Variants in STIMATE observed in about 807,000 individuals in gnomAD.
STIMATE encodes the protein STIM activating enhancer.
Under a neutral mutation model 36.7 loss-of-function variants are expected in STIMATE, and 15 were observed. That is an observed-to-expected ratio of 0.41 (90% CI 0.27 to 0.63). The LOEUF (loss-of-function observed/expected upper bound fraction) is 0.63. Among genes scored for constraint, STIMATE ranks in the 20% least tolerant of loss-of-function variants. STIMATE has a pLI of 0.32. For synonymous variants in STIMATE, 163 were observed against 162.3 expected, an observed-to-expected ratio of 1.00 and a Z score of -0.03; for missense variants, 305 against 397.3, an observed-to-expected ratio of 0.77 and a Z score of 1.98.
chr3:52,894,072 C>A (rs1701825710), intron 1 of STIMATE, among the ~76,000 whole-genome samples: 1 of 151,916 alleles, frequency 6.6e-6, no homozygotes, highest in African/African-American at 2.4e-5. Flanking sequence ...GACAAAACCA[C>A]CAAAACGAGG....
At chr3:52,883,860 G>A (rs1450191782) in intron 1 of STIMATE, among the ~76,000 whole-genome samples, 3 of 151,592 alleles carry the variant, frequency 2.0e-5, no homozygotes, top group African/African-American at 7.3e-5. Context: ...TCCTTTCTTG[G>A]TGATTCTAAA....
chr3:52,859,109 C>T (rs1701158623), intron 1 of STIMATE, among the ~76,000 whole-genome samples: 1 of 150,182 alleles, frequency 6.7e-6, no homozygotes, highest in African/African-American at 2.5e-5. Flanking sequence ...TTGCAGTGAG[C>T]CAAGATTGCA....
At chr3:52,875,771 T>C (rs1171379950) in intron 1 of STIMATE, among the ~76,000 whole-genome samples, 3 of 152,238 alleles carry the variant, frequency 2.0e-5, no homozygotes, top group Admixed American at 6.5e-5. Context: ...GTTTCATTCA[T>C]AAAGATGATT....
chr3:52,837,648 C>G lies in STIMATE; in HGVS notation c.*2846G>C, dbSNP rs1254477385. 1 of 152,256 alleles carries G rather than the reference C, an allele frequency of 6.6e-6. No homozygotes were observed. The highest frequency in any genetic ancestry group is 1.5e-5 in the Non-Finnish European group (1 of 68,046). The allele number at this position is 152,256 out of a possible 1,614,324, so 9.4% of individuals were successfully genotyped here. ...CTCATTAGTTTATTTCCAATAGTTA[C>G]AAGAAATTTGTTCATGACCTTGACT... is the stretch of plus-strand genomic sequence containing the variant. On this transcript the variant is annotated 3_prime_UTR_variant, in exon 8 of 8. Transcript: ENST00000355083.
chr3:52,855,098 T>C (rs12497310), intron 2 of STIMATE, among the ~76,000 whole-genome samples: 30 of 152,234 alleles, frequency 2.0e-4, no homozygotes, highest in Admixed American at 1.1e-3. Context: ...CAGGTAGACA[T>C]AGATGAAGGA....
At chr3:52,851,889 G>A (rs1295185872) in intron 3 of STIMATE, among the ~76,000 whole-genome samples, 2 of 152,328 alleles carry the variant, frequency 1.3e-5, no homozygotes, top group Admixed American at 1.3e-4. Flanking sequence ...CATGACTCCT[G>A]AGCGGTGTGA....
At position 52,858,494 on chromosome 3, in the gene STIMATE, C is replaced by T. The variant is rs1490715136; in HGVS notation, c.161-3050G>A. Among the ~76,000 whole-genome samples the T allele has an allele frequency of 7.2e-5, 11 of 152,110 alleles. No individual in the cohort carries two copies. In the East Asian group the frequency reaches 9.7e-4, roughly 13 times the overall value. ...ACAAAATAAGCTAAGTGTCTTGACG[C>T]ATGGCTGTGGTCCTAGCTACTCGGG... On this transcript the variant is annotated intron_variant, in intron 1 of 7. Transcript: ENST00000355083.
chr3:52,844,088 G>A (rs1035218839), intron 5 of STIMATE, among the ~76,000 whole-genome samples: 1 of 152,200 alleles, frequency 6.6e-6, no homozygotes, highest in Non-Finnish European at 1.5e-5. Flanking sequence ...AGTGCCCACC[G>A]GGAGAGTGGA....
intron 1 of STIMATE, among the ~76,000 whole-genome samples, chr3:52,858,555 G>A (rs1701147766): frequency 6.6e-6 from 1 of 152,182 alleles, no homozygotes; most frequent in Non-Finnish European, 1.5e-5. Context: ...AGCCCAGGAG[G>A]TTGAGGCTGC....
chr3:52,896,525 A>G (rs1701868376), intron 1 of STIMATE, among the ~76,000 whole-genome samples: 1 of 152,134 alleles, frequency 6.6e-6, no homozygotes, highest in Non-Finnish European at 1.5e-5. Context: ...CTATTCAGCC[A>G]CTAAGGTGCC....
chr3:52,894,868 AG>A (rs1701839300), intron 1 of STIMATE, among the ~76,000 whole-genome samples: 1 of 152,262 alleles, frequency 6.6e-6, no homozygotes, highest in Admixed American at 6.5e-5. Context: ...AGCCCCTCAA[AG>A]GACAACGGCT....
chr3:52,864,307 C>T (rs1016937292), intron 1 of STIMATE, among the ~76,000 whole-genome samples: 1 of 152,232 alleles, frequency 6.6e-6, no homozygotes, highest in African/African-American at 2.4e-5. Flanking sequence ...TATGTGGAAG[C>T]TGCCACAGTT....
At position 52,857,497 on chromosome 3, in the gene STIMATE, C is replaced by A. The variant is rs571628711; in HGVS notation, c.161-2053G>T. 3.9e-5 allele frequency among the ~76,000 whole-genome samples: 6 copies of A among 152,286 alleles called. No homozygotes were observed. The East Asian group carries it at 9.7e-4, about 25-fold the overall frequency. The stretch of plus-strand genomic sequence containing the variant: ...CCCCCAGTCAGGGCCAGAGCCACTG[C>A]ATGCTCATTTCTCCTTCTGCTTCAG... On this transcript the variant is annotated intron_variant, in intron 1 of 7. Coordinates refer to ENST00000355083, the MANE Select transcript of STIMATE (RefSeq NM_198563.5).
chr3:52,852,255 C>T (rs897475365), intron 3 of STIMATE, among the ~76,000 whole-genome samples: 1 of 152,182 alleles, frequency 6.6e-6, no homozygotes, highest in Non-Finnish European at 1.5e-5. Flanking sequence ...TGTCCTGGTT[C>T]CAGAGCAGAG....
At chr3:52,881,572 G>A (rs985957532) in intron 1 of STIMATE, among the ~76,000 whole-genome samples, 2 of 151,872 alleles carry the variant, frequency 1.3e-5, no homozygotes, top group African/African-American at 2.4e-5. Flanking sequence ...GCGTGGTGGT[G>A]GGTGCCTGTA....
At position 52,839,143 on chromosome 3, in the gene STIMATE, G is replaced by A. The variant is rs996782225; in HGVS notation, c.*1351C>T. On this transcript the variant is annotated 3_prime_UTR_variant, in exon 8 of 8. Coordinates refer to ENST00000355083, the MANE Select transcript of STIMATE (RefSeq NM_198563.5). ...TGACCATTCCCCAGGGAGGGGACAC[G>A]GCCTAGAAGCACCTTGCCCTGCCTG... is the stretch of plus-strand genomic sequence containing the variant. The A allele has an allele frequency of 2.0e-5, 3 of 152,358 alleles. No homozygotes were observed. Among genetic ancestry groups the A allele is most frequent in the African/African-American group, 4.8e-5 (2 of 41,576 alleles). The allele number at this position is 152,358 out of a possible 1,614,324, so 9.4% of individuals were successfully genotyped here.
chr3:52,895,871 C>A, intron 1 of STIMATE: 1 of 1,287,698 alleles, frequency 7.8e-7, no homozygotes, highest in Non-Finnish European at 1.0e-6. Flanking sequence ...TATGAAGATC[C>A]ACTCACCATG....
intron 1 of STIMATE, among the ~76,000 whole-genome samples, chr3:52,888,874 T>C (rs1381177909): frequency 6.6e-6 from 1 of 152,186 alleles, no homozygotes; most frequent in Admixed American, 6.5e-5. Context: ...ATACACAACA[T>C]CACGTCTTTA....
intron 3 of STIMATE, 58 bp downstream of exon 3, chr3:52,852,544 CA>C: frequency 6.2e-7 from 1 of 1,603,472 alleles, no homozygotes; most frequent in Non-Finnish European, 8.5e-7. Context: ...AAAGCAAGGC[CA>C]GCCTATATTT....
Sources: allele counts gnomAD v4.1 joint callset (sites outside exome capture counted in the v4.1 genomes callset), GRCh38; gene constraint gnomAD v4.1.1; transcripts MANE v1.5; gene names NCBI Gene and HGNC (gene_info 2026-07-23, HGNC 2026-07-21).